Variants in EPC2 observed in about 807,000 individuals in gnomAD.
EPC2 encodes the protein enhancer of polycomb 2.
In EPC2, 14 loss-of-function variants were observed where a neutral mutation model predicts 92.1. The observed-to-expected ratio is 0.15, with a 90% CI of 0.10 to 0.24. EPC2 has a LOEUF of 0.24. Ranked by LOEUF, EPC2 falls within the 10% of genes least tolerant of loss-of-function variation. The pLI, the probability that EPC2 is intolerant of heterozygous loss-of-function variation, is 1.00. For missense variants in EPC2, 755 were observed against 971.5 expected (o/e 0.78, Z 2.96); for synonymous variants, 340 against 334.7 (o/e 1.02, Z -0.17).
At position 148,762,809 on chromosome 2, in the gene EPC2, A is replaced by T. The variant is rs1683329151; in HGVS notation, c.948+7A>T. On this transcript the variant is annotated splice_region_variant and intron_variant, in intron 6 of 13. Coordinates refer to ENST00000258484, the MANE Select transcript of EPC2 (RefSeq NM_015630.4). ...TCAAGAATGTAAAACTAAGGTGAAT[A>T]TTGTCTGGGAAGAAGCATGTATGGA... 4 of 1,598,086 alleles carry T rather than the reference A, an allele frequency of 2.5e-6. No homozygotes were observed. Among genetic ancestry groups the T allele is most frequent in the Non-Finnish European group, 3.4e-6 (4 of 1,174,212 alleles).
At chr2:148,732,641 A>G (rs146255816) in intron 2 of EPC2, among the ~76,000 whole-genome samples, 6,270 of 152,196 alleles carry the variant, frequency 0.041, 167 homozygotes, top group Middle Eastern at 0.078. Context: ...TTGGCCTTCC[A>G]AAGTGCTGGG....
intron 8 of EPC2, 48 bp from the exon 9 acceptor site, chr2:148,770,732 TGTCTTCATTTCA>T: frequency 6.6e-7 from 1 of 1,521,146 alleles, no homozygotes; most frequent in Middle Eastern, 1.8e-4. Flanking sequence ...TGATCTAACC[TGTCTTCATTTCA>T]GATTTACTCC....
chr2:148,713,418 C>T (rs1214248635), intron 2 of EPC2, among the ~76,000 whole-genome samples: 1 of 152,086 alleles, frequency 6.6e-6, no homozygotes. Context: ...CAGCTGTATA[C>T]TGTTTTAGCT....
At chr2:148,666,000 G>A (rs1474951338) in intron 1 of EPC2, among the ~76,000 whole-genome samples, 1 of 152,126 alleles carries the variant, frequency 6.6e-6, no homozygotes, top group Non-Finnish European at 1.5e-5. Context: ...TGTTTCTTTG[G>A]GAGGCAAAGT....
chr2:148,769,063 T>C, intron 7 of EPC2, 88 bp from the exon 8 acceptor site: 1 of 885,188 alleles, frequency 1.1e-6, no homozygotes, highest in Non-Finnish European at 1.8e-6. Context: ...TGATTTACTG[T>C]TTGTGATCAG....
chr2:148,723,271 C>T (rs567594446), intron 2 of EPC2, among the ~76,000 whole-genome samples: 2 of 152,196 alleles, frequency 1.3e-5, no homozygotes, highest in Non-Finnish European at 2.9e-5. Flanking sequence ...TTTCAAAATG[C>T]TTACCTTTCT....
At chr2:148,736,389 T>C (rs533320775) in intron 2 of EPC2, among the ~76,000 whole-genome samples, 8 of 152,284 alleles carry the variant, frequency 5.3e-5, no homozygotes, top group African/African-American at 1.9e-4. Context: ...GCAAGAAAAC[T>C]AAAATGTGGT....
chr2:148,687,725 A>G (rs938334387), intron 1 of EPC2, among the ~76,000 whole-genome samples: 1 of 152,200 alleles, frequency 6.6e-6, no homozygotes, highest in Admixed American at 6.5e-5. Flanking sequence ...GCCCTGGCTT[A>G]CTGTTCACTT....
At chr2:148,722,256 T>C (rs1485944141) in intron 2 of EPC2, among the ~76,000 whole-genome samples, 2 of 152,258 alleles carry the variant, frequency 1.3e-5, no homozygotes, top group East Asian at 1.9e-4. Context: ...TCTCAGTTTT[T>C]CCCCCCTTAG....
chr2:148,675,716 TACGGCACTCTTGTGCTG>T (rs1681249844), intron 1 of EPC2, among the ~76,000 whole-genome samples: 1 of 152,238 alleles, frequency 6.6e-6, no homozygotes, highest in Non-Finnish European at 1.5e-5. Context: ...CCCAGAATTT[TACGGCACTCTTGTGCTG>T]ATGGCCTATC....
intron 1 of EPC2, among the ~76,000 whole-genome samples, chr2:148,645,861 T>G (rs950333215): frequency 6.6e-6 from 1 of 152,166 alleles, no homozygotes; most frequent in African/African-American, 2.4e-5. Context: ...TGCGCAACGT[T>G]AGAGAGGAGC....
intron 2 of EPC2, among the ~76,000 whole-genome samples, chr2:148,695,631 G>A (rs920677192): frequency 6.6e-6 from 1 of 152,194 alleles, no homozygotes; most frequent in African/African-American, 2.4e-5. Context: ...TAATTGACCT[G>A]TTCTTTCAGG....
intron 10 of EPC2, among the ~76,000 whole-genome samples, chr2:148,771,678 T>C (rs1683522601): frequency 1.3e-5 from 2 of 152,214 alleles, no homozygotes; most frequent in Non-Finnish European, 2.9e-5. Context: ...TACTATCTGC[T>C]GCTTATGTTA....
At chr2:148,753,551 A>G (rs1683118616) in intron 3 of EPC2, among the ~76,000 whole-genome samples, 1 of 152,160 alleles carries the variant, frequency 6.6e-6, no homozygotes, top group Admixed American at 6.5e-5. Context: ...GGAACAAACA[A>G]GCTATTAGAC....
At chr2:148,693,804 A>G (rs1156793220) in intron 2 of EPC2, among the ~76,000 whole-genome samples, 1 of 152,144 alleles carries the variant, frequency 6.6e-6, no homozygotes, top group Non-Finnish European at 1.5e-5. Context: ...ACTTGTTAAA[A>G]TACAACTTGC....
At chr2:148,690,463 T>A in intron 2 of EPC2, 90 bp downstream of exon 2, 5 of 1,235,644 alleles carry the variant, frequency 4.0e-6, no homozygotes, top group Non-Finnish European at 5.6e-6. Flanking sequence ...ATTCTGATTT[T>A]TTAATTCATA....
At chr2:148,762,828 G>A (rs1489043716) in intron 6 of EPC2, 26 bp downstream of exon 6, 5 of 1,581,398 alleles carry the variant, frequency 3.2e-6, no homozygotes, top group South Asian at 1.2e-5. Context: ...GAAGAAGCAT[G>A]TATGGATGGT....
chr2:148,786,171 C>G (rs1459054510), intron 13 of EPC2, 134 bp from the exon 14 acceptor site: 1 of 684,192 alleles, frequency 1.5e-6, no homozygotes, highest in African/African-American at 1.8e-5. Flanking sequence ...CTAGAAATGG[C>G]AAAAATGGGA....
chr2:148,645,174 G>C lies in EPC2; in HGVS notation c.153+4G>C. On this transcript the variant is annotated splice_donor_region_variant and intron_variant, in intron 1 of 13. Transcript: ENST00000258484. Reference sequence around the variant, plus strand: ...GATGGAGAAGGAGGAGGAATCGGTAGGGACTCGAGTGTTTATTACCCCCCC... The same window carrying C: ...GATGGAGAAGGAGGAGGAATCGGTACGGACTCGAGTGTTTATTACCCCCCC... The C allele has an allele frequency of 6.2e-7, 1 of 1,603,668 alleles. No individual in the cohort carries two copies. Among genetic ancestry groups the C allele is most frequent in the Non-Finnish European group, 8.5e-7 (1 of 1,175,262 alleles).
Sources: allele counts gnomAD v4.1 joint callset (sites outside exome capture counted in the v4.1 genomes callset), GRCh38; gene constraint gnomAD v4.1.1; transcripts MANE v1.5; gene names NCBI Gene and HGNC (gene_info 2026-07-23, HGNC 2026-07-21).